Variants in SLC2A9 observed in about 807,000 individuals in gnomAD.
SLC2A9 encodes solute carrier family 2, facilitated glucose transporter member 9.
A neutral mutation model predicts 50.6 loss-of-function variants in SLC2A9; 39 were observed. The ratio of observed to expected loss-of-function variants is 0.77; its 90% CI spans 0.60 to 1.01. SLC2A9 has a LOEUF of 1.01. Among genes scored for constraint, SLC2A9 ranks in the 50% least tolerant of loss-of-function variants. The probability of loss-of-function intolerance (pLI) is 0.00; values close to 1 mark genes in which losing one functional copy is unlikely to be tolerated. For missense variants in SLC2A9, 686 were observed against 677.6 expected, an observed-to-expected ratio of 1.01 and a Z score of -0.14; for synonymous variants, 324 against 276.9, an observed-to-expected ratio of 1.17 and a Z score of -1.69.
chr4:10,001,280 G>T (rs947181065), intron 2 of SLC2A9, among the ~76,000 whole-genome samples: 6 of 152,138 alleles, frequency 3.9e-5, no homozygotes, highest in Admixed American at 2.6e-4. Flanking sequence ...TCACTAGAGT[G>T]GGCCCTAATC....
intron 10 of SLC2A9, among the ~76,000 whole-genome samples, chr4:9,886,424 CTGTGTGTG>C (rs59081583): frequency 0.094 from 12,688 of 135,578 alleles, 705 homozygotes; most frequent in East Asian, 0.15. Context: ...CCTCATAGCA[CTGTGTGTG>C]TGTGTGTGTG....
At chr4:9,851,679 A>G (rs937672200) in intron 10 of SLC2A9, among the ~76,000 whole-genome samples, 3 of 152,106 alleles carry the variant, frequency 2.0e-5, no homozygotes, top group South Asian at 2.1e-4. Context: ...GGAATTCAAT[A>G]AAACAATACA....
downstream of SLC2A9, among the ~76,000 whole-genome samples, chr4:9,777,675 C>T (rs1717750144): frequency 6.6e-6 from 1 of 152,224 alleles, no homozygotes; most frequent in Non-Finnish European, 1.5e-5. Flanking sequence ...AGCACCCACT[C>T]ACTGTGTTCG....
rs532610655 is a variant in SLC2A9 at position 9,782,557 on chromosome 4, C to T, written n.386-2492G>A. On this transcript the variant is annotated intron_variant and non_coding_transcript_variant, in intron 3 of 3. Coordinates refer to the SLC2A9 transcript ENST00000503803. ...CCATCCTCATCTCCTTCATTCCGGTCCAGCTCAACTGGCACAGGGACCAGG... is the reference window on the plus strand; with the variant it reads ...CCATCCTCATCTCCTTCATTCCGGTTCAGCTCAACTGGCACAGGGACCAGG... 6.2e-6 allele frequency: 10 copies of T among 1,613,988 alleles called. No homozygotes were observed. In the South Asian group the frequency reaches 8.8e-5, roughly 14 times the overall value.
At chr4:9,860,833 G>A (rs1313897889) in intron 10 of SLC2A9, among the ~76,000 whole-genome samples, 1 of 152,166 alleles carries the variant, frequency 6.6e-6, no homozygotes, top group Non-Finnish European at 1.5e-5. Flanking sequence ...TGCATCTTCG[G>A]AGCTGCGATC....
intron 5 of SLC2A9, among the ~76,000 whole-genome samples, chr4:9,943,251 G>C (rs1375738068): frequency 6.6e-6 from 1 of 152,210 alleles, no homozygotes; most frequent in East Asian, 1.9e-4. Flanking sequence ...GGCCTGCCAG[G>C]GGCACACAGC....
At chr4:9,916,159 G>A (rs1306423841) in intron 7 of SLC2A9, among the ~76,000 whole-genome samples, 1 of 152,162 alleles carries the variant, frequency 6.6e-6, no homozygotes, top group Non-Finnish European at 1.5e-5. Flanking sequence ...GACAACACAG[G>A]TCCTCGTCTA....
intron 9 of SLC2A9, among the ~76,000 whole-genome samples, chr4:9,887,911 T>C (rs1736590018): frequency 6.6e-6 from 1 of 152,192 alleles, no homozygotes. Flanking sequence ...AATAAATCAA[T>C]AACTCACATT....
intron 10 of SLC2A9, among the ~76,000 whole-genome samples, chr4:9,854,190 G>GAAAA (rs1386138312): frequency 6.6e-6 from 1 of 151,950 alleles, no homozygotes; most frequent in African/African-American, 2.4e-5. Context: ...AAATATCAAT[G>GAAAA]AATTCAAGAG....
intron 3 of SLC2A9, among the ~76,000 whole-genome samples, chr4:9,809,508 C>T (rs1010933975): frequency 5.9e-5 from 9 of 152,138 alleles, no homozygotes; most frequent in Admixed American, 1.3e-4. Flanking sequence ...CAGAATGGCC[C>T]GGGCACAAGA....
At chr4:9,851,053 C>A (rs115713757) in intron 10 of SLC2A9, among the ~76,000 whole-genome samples, 169 of 151,856 alleles carry the variant, frequency 1.1e-3, no homozygotes, top group African/African-American at 4.0e-3. Flanking sequence ...CACCACCCAA[C>A]TCCTGCTGGT....
intron 5 of SLC2A9, among the ~76,000 whole-genome samples, chr4:9,946,542 C>A (rs1428090307): frequency 6.6e-6 from 1 of 152,214 alleles, no homozygotes; most frequent in East Asian, 1.9e-4. Context: ...GTGGCCATTG[C>A]TCCATGCTGC....
At chr4:9,834,628 C>A (rs1463636501) in intron 11 of SLC2A9, among the ~76,000 whole-genome samples, 2 of 152,152 alleles carry the variant, frequency 1.3e-5, no homozygotes, top group Admixed American at 1.3e-4. Flanking sequence ...CCTAGGAGTC[C>A]TTGCATACCG....
intron 1 of SLC2A9, among the ~76,000 whole-genome samples, chr4:9,773,778 G>T (rs1417390519): frequency 6.6e-6 from 1 of 152,124 alleles, no homozygotes; most frequent in Non-Finnish European, 1.5e-5. Context: ...TTTTAATTCT[G>T]CTCAACTCTT....
downstream of SLC2A9, among the ~76,000 whole-genome samples, chr4:9,777,460 G>A (rs1407688796): frequency 6.6e-6 from 1 of 152,080 alleles, no homozygotes; most frequent in East Asian, 1.9e-4. Flanking sequence ...TACACACCAT[G>A]TATTGTCTTG....
intron 3 of SLC2A9, 71 bp downstream of exon 3, chr4:9,996,710 G>A (rs1246969957): frequency 4.5e-6 from 7 of 1,571,754 alleles, no homozygotes; most frequent in Non-Finnish European, 4.3e-6. Flanking sequence ...TGCCTGTCAG[G>A]ACCCTGACAA....
rs573142631 is a variant in SLC2A9, at chr4:10,038,789, G to A, written c.-41+1341C>T. Among the ~76,000 whole-genome samples the A allele has an allele frequency of 2.6e-5, 4 of 152,280 alleles. No homozygotes were observed. The South Asian group carries it at 8.3e-4, about 32-fold the overall frequency. On this transcript the variant is annotated intron_variant, in intron 1 of 12. Transcript: ENST00000309065. ...ACGGCAAGCTAAGGATCCCGAACTT[G>A]ATTCTTAGGCATGGAGGGCTTTTAG...
chr4:9,836,040 T>A (rs2109158936), intron 10 of SLC2A9, among the ~76,000 whole-genome samples: 1 of 118,554 alleles, frequency 8.4e-6, no homozygotes, highest in Admixed American at 1.2e-4. Flanking sequence ...TGAGCCGAGA[T>A]CAAGCATATT....
intron 10 of SLC2A9, among the ~76,000 whole-genome samples, chr4:9,884,186 G>A (rs1209117684): frequency 6.6e-6 from 1 of 152,244 alleles, no homozygotes. Context: ...TACACTGACT[G>A]ATACATGCTG....
Sources: gnomAD v4.1 joint callset for allele counts (sites outside exome capture counted in the v4.1 genomes callset) on GRCh38, gnomAD v4.1.1 for gene constraint, MANE v1.5 for transcripts, NCBI Gene and HGNC (gene_info 2026-07-23, HGNC 2026-07-21) for gene names.